The following MAPK8IP3 variants were observed in gnomAD, a reference collection of about 807,000 sequenced individuals.
MAPK8IP3 encodes mitogen-activated protein kinase 8 interacting protein 3.
MAPK8IP3 carries 49 observed loss-of-function variants against 157.8 expected under a neutral mutation model. The ratio of observed to expected loss-of-function variants is 0.31; its 90% CI spans 0.25 to 0.39. The LOEUF (loss-of-function observed/expected upper bound fraction) is 0.39, where lower values mean the gene tolerates loss of function less well. Ranked by LOEUF, MAPK8IP3 falls within the 10% of genes least tolerant of loss-of-function variation. The pLI, the probability that MAPK8IP3 is intolerant of heterozygous loss-of-function variation, is 1.00. For missense variants in MAPK8IP3, 1,478 were observed against 1,889.4 expected, an observed-to-expected ratio of 0.78 and a Z score of 4.04; for synonymous variants, 897 against 777.7, an observed-to-expected ratio of 1.15 and a Z score of -2.55.
chr16:1,751,118 C>T lies in MAPK8IP3; in HGVS notation c.1216+2398C>T, dbSNP rs2041263731. ...CGGGCACGGCCACCGTCGGTCCTTA[C>T]TGCAGCATCAAGCCGCCCTCCTGCC... On this transcript the variant is annotated intron_variant, in intron 8 of 31. Coordinates refer to ENST00000610761, the MANE Select transcript of MAPK8IP3 (RefSeq NM_001318852.2). This position sits in a 1 kb window ranked among gnomAD's most constrained non-coding sequence, Gnocchi z 5.0. Among the ~76,000 whole-genome samples, 1 of 152,180 alleles carries T rather than the reference C, an allele frequency of 6.6e-6. No homozygotes were observed. The highest frequency in any genetic ancestry group is 1.5e-5 in the Non-Finnish European group (1 of 68,028).
At chr16:1,757,682 A>G (rs1431778031) in intron 8 of MAPK8IP3, among the ~76,000 whole-genome samples, 2 of 152,092 alleles carry the variant, frequency 1.3e-5, no homozygotes, top group Admixed American at 6.5e-5. Context: ...TGCCCTACCC[A>G]GGCTGACCCA....
In MAPK8IP3 at chr16:1,762,964, C is replaced by G; in HGVS notation, c.1856C>G (p.Pro619Arg). 1 of 1,612,964 alleles carries G rather than the reference C, an allele frequency of 6.2e-7. No individual in the cohort carries two copies. Among genetic ancestry groups the G allele is most frequent in the South Asian group, 1.1e-5 (1 of 91,084 alleles). Residue 619 changes from proline to arginine, a missense_variant, in exon 16 of 32, where the codon CCG becomes CGG. Physicochemically the swap from Pro to Arg is moderately radical, Grantham distance 103. Transcript: ENST00000610761. ...CAGCGCCGCAACCATGCCATGTGCC[C>G]GATCTCGGCAGGCAGCCGGCCCCTG... ...FSQRRNHAMC[P>R]ISAGSRPLEF...
chr16:1,732,874 A>C (rs1313030788), intron 4 of MAPK8IP3, among the ~76,000 whole-genome samples: 2 of 152,176 alleles, frequency 1.3e-5, no homozygotes, highest in Non-Finnish European at 2.9e-5. Context: ...CCATCCGCCC[A>C]CCTGGAGCAC....
At position 1,768,800 on chromosome 16, in the gene MAPK8IP3, G is replaced by T. The variant is rs2042443198; in HGVS notation, c.3990G>T (p.Trp1330Cys). 6.2e-7 allele frequency: 1 copy of T among 1,612,556 alleles called. No homozygotes were observed. The highest frequency in any genetic ancestry group is 8.5e-7 in the Non-Finnish European group (1 of 1,179,806). The change falls in exon 32 of 32, where the codon TGG (tryptophan) becomes TGT (cysteine). Residue 1330 changes from tryptophan to cysteine, a missense_variant. Physicochemically the swap from Trp to Cys is radical, Grantham distance 215. This residue lies in a region of MAPK8IP3 where 133 missense variants were observed against 133.4 expected (regional missense o/e 1.00). Transcript: ENST00000610761. ...CAGAGCGCAGTCACATCATCGTGTG[G>T]CAGGTGTCCTACACCCCCGAGTGAA... ...SKAERSHIIV[W>C]QVSYTPE
intron 4 of MAPK8IP3, among the ~76,000 whole-genome samples, chr16:1,740,404 G>A (rs965707191): frequency 8.6e-5 from 13 of 150,694 alleles, no homozygotes; most frequent in African/African-American, 3.2e-4. Context: ...CCGTCCGTGT[G>A]AGCGTGTGCA....
In MAPK8IP3 at chr16:1,729,343, G is replaced by A. The variant is rs149810361; in HGVS notation, c.510+135G>A. ...GCATTTGCTGCCAGGCTTGAAGGCT[G>A]TCAGCCCCAGGCTGGTTAGATTCCC... On this transcript the variant is annotated intron_variant, in intron 3 of 31. Transcript: ENST00000610761. 8.4e-4 allele frequency: 1,073 copies of A among 1,273,866 alleles called. 8 individuals carry two copies. In the African/African-American group the frequency reaches 0.012, roughly 15 times the overall value. The allele number at this position is 1,273,866 out of a possible 1,614,324, so 78.9% of individuals were successfully genotyped here. A position where few individuals can be genotyped will look rare whatever the true frequency, so the allele number is the denominator to read the frequency against.
chr16:1,729,265 C>G (rs767012587), intron 3 of MAPK8IP3, 57 bp downstream of exon 3: 1 of 1,567,228 alleles, frequency 6.4e-7, no homozygotes, highest in East Asian at 2.2e-5. Flanking sequence ...CGCGGCCTGA[C>G]GCCTGCGACT....
At chr16:1,767,784 C>T (rs931419382) in intron 27 of MAPK8IP3, 21 bp from the exon 28 acceptor site, 1 of 1,611,510 alleles carries the variant, frequency 6.2e-7, no homozygotes, top group Non-Finnish European at 8.5e-7. Context: ...GGCCAGCCAC[C>T]CTGACCGCTC....
At chr16:1,727,613 C>T (rs1204220450) in intron 2 of MAPK8IP3, among the ~76,000 whole-genome samples, 3 of 152,068 alleles carry the variant, frequency 2.0e-5, no homozygotes, top group South Asian at 2.1e-4. Context: ...GTGTCTAAGT[C>T]GTGCATGTGA....
chr16:1,743,192 C>G lies in MAPK8IP3; in HGVS notation c.603-140C>G. 1 of 1,214,360 alleles carries G rather than the reference C, an allele frequency of 8.2e-7. No individual in the cohort carries two copies. Among genetic ancestry groups the G allele is most frequent in the Non-Finnish European group, 1.1e-6 (1 of 924,324 alleles). The allele number at this position is 1,214,360 out of a possible 1,614,324, so 75.2% of individuals were successfully genotyped here. On this transcript the variant is annotated intron_variant, in intron 4 of 31. Coordinates refer to ENST00000610761, the MANE Select transcript of MAPK8IP3 (RefSeq NM_001318852.2). This position sits in a 1 kb window ranked among gnomAD's most constrained non-coding sequence, Gnocchi z 5.6. Reference sequence around the variant, plus strand: ...GGGGAAGCGCCACGTAGGATCATAACTGAGTAGCTGCTCGAGCTGGGCTGC... The same window carrying G: ...GGGGAAGCGCCACGTAGGATCATAAGTGAGTAGCTGCTCGAGCTGGGCTGC...
At chr16:1,765,912 C>A (rs1567208940) in intron 20 of MAPK8IP3, 48 bp from the exon 21 acceptor site, 1 of 1,536,066 alleles carries the variant, frequency 6.5e-7, no homozygotes. Context: ...CACGCCCTTG[C>A]AGTAGTGGGT....
At chr16:1,734,341 C>G (rs12918628) in intron 4 of MAPK8IP3, among the ~76,000 whole-genome samples, 1 of 152,310 alleles carries the variant, frequency 6.6e-6, no homozygotes, top group African/African-American at 2.4e-5. Flanking sequence ...GGCGGTGGTA[C>G]TGAGCCGCAT....
chr16:1,748,692 G>A lies in MAPK8IP3; in HGVS notation c.1188G>A (p.Gly396=). 1.2e-6 allele frequency: 2 copies of A among 1,614,208 alleles called. No individual in the cohort carries two copies. Among genetic ancestry groups the A allele is most frequent in the African/African-American group, 1.3e-5 (1 of 75,078 alleles). ...ELSTAGSEVI[G]DVDEGADLLG... is the part of the protein sequence containing the mutation. ...CGACGGCAGGGTCTGAGGTCATCGGGGATGTGGACGAAGGGGCCGACCTCC... is the reference window on the plus strand; with the variant it reads ...CGACGGCAGGGTCTGAGGTCATCGGAGATGTGGACGAAGGGGCCGACCTCC... Residue 396 remains glycine, a synonymous_variant, in exon 8 of 32, where the codon GGG becomes GGA. Transcript: ENST00000610761.
chr16:1,746,471 C>G (rs2040967975), intron 5 of MAPK8IP3: 1 of 152,946 alleles, frequency 6.5e-6, no homozygotes, highest in South Asian at 2.0e-4. Flanking sequence ...GGGGTGAGCT[C>G]TGGTCCAGTC....
In MAPK8IP3 at chr16:1,763,972, C is replaced by T. The variant is rs1024658984; in HGVS notation, c.2026-143C>T. ...GGGGTCTGGAGGGTCGGAGAAGGAGCCCCGCGGCTCCCACGCCCCCACCTG... is the reference window on the plus strand; with the variant it reads ...GGGGTCTGGAGGGTCGGAGAAGGAGTCCCGCGGCTCCCACGCCCCCACCTG... On this transcript the variant is annotated intron_variant, in intron 17 of 31. Coordinates refer to ENST00000610761, the MANE Select transcript of MAPK8IP3 (RefSeq NM_001318852.2). The T allele has an allele frequency of 2.9e-6, 3 of 1,047,424 alleles. No individual in the cohort carries two copies. The Admixed American group carries it at 8.6e-5, about 30-fold the overall frequency. The allele number at this position is 1,047,424 out of a possible 1,614,324, so 64.9% of individuals were successfully genotyped here.
Position 1,724,176 on chromosome 16 carries a change from T to C in MAPK8IP3, c.319-381T>C, listed in dbSNP as rs1000731206. On this transcript the variant is annotated intron_variant, in intron 1 of 31. Coordinates refer to ENST00000610761, the MANE Select transcript of MAPK8IP3 (RefSeq NM_001318852.2). The surrounding 1 kb of genome is among the most constrained non-coding windows in gnomAD (Gnocchi z 4.1). ...TTCAAAAATTAGCAACATTTCAAGA[T>C]GGCAGCAGCCAAGCCAAGCATTGGG... 9.2e-5 allele frequency among the ~76,000 whole-genome samples: 14 copies of C among 152,230 alleles called. No homozygotes were observed. Among genetic ancestry groups the C allele is most frequent in the African/African-American group, 3.1e-4 (13 of 41,466 alleles).
intron 26 of MAPK8IP3, 107 bp from the exon 27 acceptor site, chr16:1,767,457 G>T: frequency 6.6e-7 from 1 of 1,507,356 alleles, no homozygotes; most frequent in Admixed American, 1.8e-5. Flanking sequence ...GGCGCTGGCT[G>T]GGAGGTCTGA....
chr16:1,735,268 G>C lies in MAPK8IP3; in HGVS notation c.602+5690G>C, dbSNP rs545379278. 8.9e-4 allele frequency among the ~76,000 whole-genome samples: 131 copies of C among 146,374 alleles called. 1 individual carries two copies. Among genetic ancestry groups the C allele is most frequent in the Middle Eastern group, 4.0e-3 (1 of 252 alleles). On this transcript the variant is annotated intron_variant, in intron 4 of 31. Coordinates refer to ENST00000610761, the MANE Select transcript of MAPK8IP3 (RefSeq NM_001318852.2). ...TCGGTGTGAGCATCCGTGTGAGCAT[G>C]TGACCGTCTGTGAGTGTGCGACGGT...
Position 1,762,979 on chromosome 16 carries a change from G to A in MAPK8IP3, c.1871G>A (p.Ser624Asn). The A allele has an allele frequency of 6.2e-7, 1 of 1,612,860 alleles. No individual in the cohort carries two copies. The highest frequency in any genetic ancestry group is 8.5e-7 in the Non-Finnish European group (1 of 1,179,976). The change falls in exon 16 of 32, where the codon AGC becomes AAC. Residue 624 changes from serine to asparagine, a missense_variant. This residue lies in a region of MAPK8IP3 where 669 missense variants were observed against 759.8 expected (regional missense o/e 0.88). Transcript: ENST00000610761. ...NHAMCPISAG[S>N]RPLEFFPDDD... ...GCCATGTGCCCGATCTCGGCAGGCAGCCGGCCCCTGGAATTCTTCCCTGAC... is the reference window on the plus strand; with the variant it reads ...GCCATGTGCCCGATCTCGGCAGGCAACCGGCCCCTGGAATTCTTCCCTGAC...
Sources: gnomAD v4.1 joint callset for allele counts (sites outside exome capture counted in the v4.1 genomes callset) on GRCh38, gnomAD v4.1.1 for gene constraint, gnomAD v4.1.1 regional missense constraint, Gnocchi (gnomAD v3.1) non-coding constraint, MANE v1.5 for transcripts, NCBI Gene and HGNC (gene_info 2026-07-23, HGNC 2026-07-21) for gene names.